Variants in GLIS3 observed in about 807,000 individuals in gnomAD.
GLIS3 encodes zinc finger protein GLIS3.
In GLIS3, 53 loss-of-function variants were observed where a neutral mutation model predicts 78.6. The observed-to-expected ratio is 0.67, with a 90% CI of 0.54 to 0.85. The LOEUF is 0.85. Ranked by LOEUF, GLIS3 falls within the 40% of genes least tolerant of loss-of-function variation. The pLI, the probability that GLIS3 is intolerant of heterozygous loss-of-function variation, is 0.00. For missense variants in GLIS3, 1,703 were observed against 1,231.1 expected, an observed-to-expected ratio of 1.38 and a Z score of -5.74; for synonymous variants, 684 against 509.9, an observed-to-expected ratio of 1.34 and a Z score of -4.60.
chr9:4,365,906 G>A, the GLIS3 span, among the ~76,000 whole-genome samples: 1 of 152,198 alleles, frequency 6.6e-6, no homozygotes, highest in Admixed American at 6.5e-5. Context: ...AGAATGTGAT[G>A]GGTGTTCATG....
chr9:4,182,912 T>G (rs763999412), intron 2 of GLIS3, among the ~76,000 whole-genome samples: 1 of 152,164 alleles, frequency 6.6e-6, no homozygotes, highest in African/African-American at 2.4e-5. Context: ...AATAAGGGAA[T>G]TGAGAAGCAG....
At chr9:4,391,520 T>C in the GLIS3 span, among the ~76,000 whole-genome samples, 2 of 151,886 alleles carry the variant, frequency 1.3e-5, no homozygotes, top group Non-Finnish European at 1.5e-5. Context: ...AGTTTCTTCC[T>C]CATTGCTAGA....
chr9:4,279,150 G>T (rs1322530540), intron 2 of GLIS3, among the ~76,000 whole-genome samples: 3 of 151,314 alleles, frequency 2.0e-5, no homozygotes, highest in Non-Finnish European at 4.4e-5. Context: ...AAATACAAAA[G>T]TTTCCGGGCG....
In GLIS3 at chr9:4,330,798, T is replaced by C. The variant is rs556374417; in HGVS notation, n.264+16283A>G. Among the ~76,000 whole-genome samples, 16 of 151,960 alleles carry C rather than the reference T, an allele frequency of 1.1e-4. No homozygotes were observed. In the South Asian group the frequency reaches 3.3e-3, roughly 32 times the overall value. On this transcript the variant is annotated intron_variant and non_coding_transcript_variant, in intron 2 of 4. Coordinates refer to the GLIS3 transcript ENST00000471664. The stretch of plus-strand genomic sequence containing the variant: ...GACTCAGGAGATAACTTAGAAAAAA[T>C]GCAATCGATGCTGAGAGACTTTTCA...
chr9:4,165,099 A>G (rs953345745), intron 2 of GLIS3, among the ~76,000 whole-genome samples: 3 of 152,170 alleles, frequency 2.0e-5, no homozygotes, highest in Admixed American at 2.0e-4. Flanking sequence ...CAGATGCAGG[A>G]GAACAGAGGC....
At chr9:4,178,114 C>A (rs544084946) in intron 2 of GLIS3, among the ~76,000 whole-genome samples, 1 of 152,250 alleles carries the variant, frequency 6.6e-6, no homozygotes, top group Non-Finnish European at 1.5e-5. Context: ...GTTTCTTATT[C>A]TTAAAGATAT....
intron 2 of GLIS3, among the ~76,000 whole-genome samples, chr9:4,164,157 A>T (rs1210830172): frequency 3.3e-5 from 5 of 152,234 alleles, no homozygotes; most frequent in African/African-American, 9.6e-5. Context: ...TGGGTCATTT[A>T]GTGTCCTTAA....
the GLIS3 span, among the ~76,000 whole-genome samples, chr9:4,397,031 T>TC: frequency 1.4e-4 from 21 of 146,902 alleles, no homozygotes; most frequent in African/African-American, 4.8e-4. Context: ...TTTCTTTTTT[T>TC]TTTTTTTTTT....
intron 2 of GLIS3, among the ~76,000 whole-genome samples, chr9:4,159,974 G>C (rs1409984779): frequency 6.6e-6 from 1 of 152,122 alleles, no homozygotes; most frequent in Non-Finnish European, 1.5e-5. Context: ...ATGAATGTTA[G>C]TATTAATATC....
intron 4 of GLIS3, among the ~76,000 whole-genome samples, chr9:4,042,690 G>T (rs904413420): frequency 6.6e-6 from 1 of 152,234 alleles, no homozygotes; most frequent in Middle Eastern, 3.4e-3. Flanking sequence ...CACTTCAGCT[G>T]CCACTATAAC....
intron 7 of GLIS3, among the ~76,000 whole-genome samples, chr9:3,891,572 C>A (rs1001037438): frequency 3.3e-5 from 5 of 152,104 alleles, no homozygotes; most frequent in African/African-American, 1.2e-4. Context: ...TGTGGTGGCA[C>A]ATACCTGAAG....
chr9:4,436,342 T>C, the GLIS3 span, among the ~76,000 whole-genome samples: 1 of 152,212 alleles, frequency 6.6e-6, no homozygotes, highest in African/African-American at 2.4e-5. Context: ...ATATAAACAA[T>C]ATTAGCTTGT....
At chr9:3,864,991 G>C (rs754405273) in intron 8 of GLIS3, among the ~76,000 whole-genome samples, 22 of 152,148 alleles carry the variant, frequency 1.4e-4, no homozygotes, top group Non-Finnish European at 2.5e-4. Context: ...TGCCCAGGTA[G>C]ATGATACATT....
At chr9:4,257,388 G>T (rs1435734949) in intron 2 of GLIS3, among the ~76,000 whole-genome samples, 1 of 152,118 alleles carries the variant, frequency 6.6e-6, no homozygotes, top group Non-Finnish European at 1.5e-5. Flanking sequence ...AAATAAACAA[G>T]TCTAGAGTCT....
intron 3 of GLIS3, 79 bp downstream of exon 3, chr9:4,125,655 T>TGTGTGTATAAAC: frequency 1.1e-6 from 1 of 911,074 alleles, no homozygotes; most frequent in Non-Finnish European, 1.8e-6. Context: ...TGTGTGTGTG[T>TGTGTGTATAAAC]ATTCAGAAAG....
At chr9:4,354,344 T>C in the GLIS3 span, among the ~76,000 whole-genome samples, 1 of 152,150 alleles carries the variant, frequency 6.6e-6, no homozygotes, top group Admixed American at 6.5e-5. Flanking sequence ...CCTCTCTTCA[T>C]GCCATATGGA....
chr9:3,862,828 A>G (rs1176816820), intron 8 of GLIS3, among the ~76,000 whole-genome samples: 1 of 152,186 alleles, frequency 6.6e-6, no homozygotes, highest in Admixed American at 6.5e-5. Flanking sequence ...AGCTTGTTTC[A>G]TTGTATTCAC....
chr9:3,956,892 G>A (rs1396462033), intron 4 of GLIS3, among the ~76,000 whole-genome samples: 5 of 151,898 alleles, frequency 3.3e-5, no homozygotes, highest in African/African-American at 4.8e-5. Flanking sequence ...TCAACTCTCA[G>A]GCACATCAAT....
At chr9:4,462,543 A>G in the GLIS3 span, among the ~76,000 whole-genome samples, 3 of 151,982 alleles carry the variant, frequency 2.0e-5, no homozygotes, top group Middle Eastern at 3.4e-3. Flanking sequence ...CATTGCTTGA[A>G]GCCAGGAGTT....
Sources: gnomAD v4.1 joint callset for allele counts (sites outside exome capture counted in the v4.1 genomes callset) on GRCh38, gnomAD v4.1.1 for gene constraint, MANE v1.5 for transcripts, NCBI Gene and HGNC (gene_info 2026-07-23, HGNC 2026-07-21) for gene names.